SELE: variants seen among roughly 807,000 people sequenced by gnomAD.
The protein encoded by SELE is E-selectin.
SELE carries 52 observed loss-of-function variants against 75.8 expected under a neutral mutation model. The observed-to-expected ratio is 0.69, with a 90% CI of 0.55 to 0.86. The LOEUF (loss-of-function observed/expected upper bound fraction) is 0.86, where lower values mean the gene tolerates loss of function less well. SELE is among the 40% of genes least tolerant of loss of function. The pLI, the probability that SELE is intolerant of heterozygous loss-of-function variation, is 0.00. For missense variants in SELE, 754 were observed against 732.7 expected, an observed-to-expected ratio of 1.03 and a Z score of -0.34; for synonymous variants, 285 against 258.7, an observed-to-expected ratio of 1.10 and a Z score of -0.98.
At chr1:169,731,783 G>T (rs925203382) in intron 4 of SELE, 52 bp downstream of exon 4, 4 of 1,215,530 alleles carry the variant, frequency 3.3e-6, no homozygotes, top group Non-Finnish European at 4.9e-6. Context: ...CAGCTAGGAC[G>T]TGAGATGGTG....
At chr1:169,733,034 G>T (rs972090921) in intron 2 of SELE, 36 bp from the exon 3 acceptor site, 1 of 1,516,002 alleles carries the variant, frequency 6.6e-7, no homozygotes, top group Non-Finnish European at 8.8e-7. Context: ...GGTAGAGTTT[G>T]GTACTGTTGT....
intron 4 of SELE, 126 bp downstream of exon 4, chr1:169,731,709 C>T (rs1238722262): frequency 2.1e-5 from 13 of 620,158 alleles, no homozygotes; most frequent in Non-Finnish European, 3.5e-5. Context: ...AGTCTCAGCT[C>T]ACGATCACCA....
intron 7 of SELE, 147 bp downstream of exon 7, chr1:169,729,038 GT>G: frequency 4.3e-6 from 3 of 689,824 alleles, no homozygotes; most frequent in Non-Finnish European, 4.7e-6. Context: ...CCAAACATTA[GT>G]TCTTTTAAAT....
chr1:169,727,828 C>G lies in SELE; in HGVS notation c.1379G>C (p.Ser460Thr), dbSNP rs183505221. 114 of 1,614,154 alleles carry G rather than the reference C, an allele frequency of 7.1e-5. No individual in the cohort carries two copies. The East Asian group carries it at 1.1e-3, about 15-fold the overall frequency. The change falls in exon 9 of 14, where the codon AGC becomes ACC. Residue 460 changes from serine to threonine, a missense_variant. Coordinates refer to ENST00000333360, the MANE Select transcript of SELE (RefSeq NM_000450.2). The stretch of plus-strand genomic sequence containing the variant: ...ATGTAATTCAAATCCCTCCTCACAG[C>G]TGAAGGCACAAGAGGACTTGTAGGT... ...EFTYKSSCAF[S>T]CEEGFELHGS...
At position 169,723,679 on chromosome 1, in the gene SELE, A is replaced by T. The variant is rs1348767280; in HGVS notation, c.*846T>A. Reference sequence around the variant, plus strand: ...GGTTAACATCATGCCTTGCTAGGGGACAATAGTTTCCCTTTTTGAAATAAA... The same window carrying T: ...GGTTAACATCATGCCTTGCTAGGGGTCAATAGTTTCCCTTTTTGAAATAAA... On this transcript the variant is annotated 3_prime_UTR_variant, in exon 14 of 14. Transcript: ENST00000333360. 6.6e-6 allele frequency: 1 copy of T among 152,248 alleles called. No individual in the cohort carries two copies. The highest frequency in any genetic ancestry group is 1.5e-5 in the Non-Finnish European group (1 of 68,042). The allele number at this position is 152,248 out of a possible 1,614,324, so 9.4% of individuals were successfully genotyped here.
chr1:169,730,863 G>A (rs866565599), intron 4 of SELE, among the ~76,000 whole-genome samples: 12 of 152,042 alleles, frequency 7.9e-5, no homozygotes, highest in African/African-American at 2.7e-4. Context: ...AGTGATATGG[G>A]GAGAGTAGTG....
chr1:169,729,261 A>C lies in SELE; in HGVS notation c.1015T>G (p.Phe339Val). 1 of 1,614,140 alleles carries C rather than the reference A, an allele frequency of 6.2e-7. No individual in the cohort carries two copies. Among genetic ancestry groups the C allele is most frequent in the Non-Finnish European group, 8.5e-7 (1 of 1,180,000 alleles). ...ACCTGGGCTGGTCCCTGCAACATGA[A>C]GCCTTCCTCACAGGTGAAGTTGCAG... Reference protein sequence around the residue: ...SSCNFTCEEGFMLQGPAQVEC... With the variant: ...SSCNFTCEEGVMLQGPAQVEC... Residue 339 changes from phenylalanine (F) to valine (V), a missense_variant, in exon 7 of 14, where the codon TTC becomes GTC. By Grantham distance (50) the Phe-to-Val change is conservative. Transcript: ENST00000333360.
rs766916167 is a variant in SELE at position 169,727,558 on chromosome 1, G to A, written c.1469-33C>T. ...TGTTAGGTACACAGGCAGAGTTTCA[G>A]AAAAATCTACTGGAAAACTTCCAAA... is the stretch of plus-strand genomic sequence containing the variant. On this transcript the variant is annotated intron_variant, in intron 9 of 13. Coordinates refer to ENST00000333360, the MANE Select transcript of SELE (RefSeq NM_000450.2). The A allele has an allele frequency of 1.9e-6, 3 of 1,588,368 alleles. 1 individual carries two copies. In the South Asian group the frequency reaches 3.4e-5, roughly 18 times the overall value.
chr1:169,727,673 A>G (rs1648809201), intron 9 of SELE, 66 bp downstream of exon 9: 1 of 1,561,154 alleles, frequency 6.4e-7, no homozygotes, highest in African/African-American at 1.4e-5. Context: ...CTTTGGGGCA[A>G]TCTAGGTTCA....
rs1357578147 is a variant in SELE at position 169,724,126 on chromosome 1, A to G, written c.*399T>C. On this transcript the variant is annotated 3_prime_UTR_variant, in exon 14 of 14. Transcript: ENST00000333360. ...ACAGCAACTGTGTAATCAGCTGTCG[A>G]AACACTGTGAAGGGCAAAAGAAAGA... is the stretch of plus-strand genomic sequence containing the variant. 3.9e-5 allele frequency: 6 copies of G among 152,232 alleles called. No homozygotes were observed. The highest frequency in any genetic ancestry group is 8.8e-5 in the Non-Finnish European group (6 of 68,042). The allele number at this position is 152,232 out of a possible 1,614,324, so 9.4% of individuals were successfully genotyped here. A position where few individuals can be genotyped will look rare whatever the true frequency, so the allele number is the denominator to read the frequency against.
intron 2 of SELE, 75 bp downstream of exon 2, chr1:169,733,501 A>G (rs1370787030): frequency 7.6e-6 from 11 of 1,439,878 alleles, no homozygotes; most frequent in Non-Finnish European, 1.1e-5. Context: ...ACAGCCCCAG[A>G]CAAGCAAGGA....
rs1264674601 is a variant in SELE at position 169,724,444 on chromosome 1, C to G, written c.*81G>C. 1 of 152,180 alleles carries G rather than the reference C, an allele frequency of 6.6e-6. No homozygotes were observed. Among genetic ancestry groups the G allele is most frequent in the Non-Finnish European group, 1.5e-5 (1 of 68,034 alleles). 9.4% of individuals were successfully genotyped at this position (152,180 alleles called of 1,614,324 possible). On this transcript the variant is annotated 3_prime_UTR_variant, in exon 14 of 14. Transcript: ENST00000333360. ...ATAGTAGGCAAGAAGGGCCAGAGAC[C>G]CGAGGAGAGTTATCTGTCTCTGTTA...
In SELE at chr1:169,728,180, C is replaced by A; in HGVS notation, c.1157G>T (p.Gly386Val). The A allele has an allele frequency of 6.2e-7, 1 of 1,614,168 alleles. No individual in the cohort carries two copies. Among genetic ancestry groups the A allele is most frequent in the South Asian group, 1.1e-5 (1 of 91,080 alleles). ...ACAGCTGGACCCATAACGGAAACTG[C>A]CAGAAGCACTAGGAAGACAATTCAT... is the stretch of plus-strand genomic sequence containing the variant. ...GYMNCLPSAS[G>V]SFRYGSSCEF... The change falls in exon 8 of 14, where the codon GGC (glycine) becomes GTC (valine). Residue 386 changes from glycine to valine, a missense_variant. By Grantham distance (109) the Gly-to-Val change is moderately radical. Transcript: ENST00000333360.
chr1:169,732,324 T>C (rs1648930185), intron 3 of SELE, among the ~76,000 whole-genome samples: 1 of 150,566 alleles, frequency 6.6e-6, no homozygotes, highest in Admixed American at 6.7e-5. Flanking sequence ...TATATGTGTG[T>C]ATATGTGTGT....
Position 169,729,264 on chromosome 1 carries a change from C to T in SELE, c.1012G>A (p.Gly338Ser). 1 of 1,614,170 alleles carries T rather than the reference C, an allele frequency of 6.2e-7. No individual in the cohort carries two copies. The highest frequency in any genetic ancestry group is 1.1e-5 in the South Asian group (1 of 91,086). ...TGGGCTGGTCCCTGCAACATGAAGC[C>T]TTCCTCACAGGTGAAGTTGCAGGAT... is the stretch of plus-strand genomic sequence containing the variant. Reference protein sequence around the residue: ...KSSCNFTCEEGFMLQGPAQVE... With the variant: ...KSSCNFTCEESFMLQGPAQVE... Residue 338 changes from glycine to serine, a missense_variant, in exon 7 of 14, where the codon GGC becomes AGC. Transcript: ENST00000333360.
chr1:169,722,841 A>G lies in SELE; in HGVS notation c.*1684T>C, dbSNP rs1030183090. On this transcript the variant is annotated 3_prime_UTR_variant, in exon 14 of 14. Coordinates refer to ENST00000333360, the MANE Select transcript of SELE (RefSeq NM_000450.2). ...GTTTACATAAATATTTACAACACTTAAACAATTTCAAAGAAAATAACACTG... is the reference window on the plus strand; with the variant it reads ...GTTTACATAAATATTTACAACACTTGAACAATTTCAAAGAAAATAACACTG... The G allele has an allele frequency of 4.6e-5, 7 of 152,228 alleles. No individual in the cohort carries two copies. Among genetic ancestry groups the G allele is most frequent in the African/African-American group, 1.7e-4 (7 of 41,460 alleles). The allele number at this position is 152,228 out of a possible 1,614,324, so 9.4% of individuals were successfully genotyped here. A position where few individuals can be genotyped will look rare whatever the true frequency, so the allele number is the denominator to read the frequency against.
At chr1:169,733,104 GC>G in intron 2 of SELE, 106 bp from the exon 3 acceptor site, 1 of 1,143,400 alleles carries the variant, frequency 8.7e-7, no homozygotes, top group South Asian at 1.7e-5. Flanking sequence ...TTGTGACATG[GC>G]CCAGACTTTT....
In SELE at chr1:169,729,172, G is replaced by C. The variant is rs1648846271; in HGVS notation, c.1090+14C>G. On this transcript the variant is annotated intron_variant, in intron 7 of 13. Coordinates refer to ENST00000333360, the MANE Select transcript of SELE (RefSeq NM_000450.2). The stretch of plus-strand genomic sequence containing the variant: ...TTCTTTAAGAAAGTATAAATCGAAG[G>C]ATCTCAAGCTTACCTTCACAAACTG... 6.3e-7 allele frequency: 1 copy of C among 1,583,140 alleles called. No individual in the cohort carries two copies. The highest frequency in any genetic ancestry group is 1.2e-5 in the South Asian group (1 of 86,508).
In SELE at chr1:169,732,703, G is replaced by A. The variant is rs375315900; in HGVS notation, c.333C>T (p.Cys111=). The change falls in exon 3 of 14, where the codon TGC becomes TGT. Residue 111 remains cysteine (C), a synonymous_variant. Transcript: ENST00000333360. ...EPNNRQKDED[C]VEIYIKREKD... is the part of the protein sequence containing the mutation. ...TTTCTCTCTTGATGTAGATCTCCACGCAGTCCTCATCTTTTTGCCTATTGT... is the reference window on the plus strand; with the variant it reads ...TTTCTCTCTTGATGTAGATCTCCACACAGTCCTCATCTTTTTGCCTATTGT... 3.1e-5 allele frequency: 50 copies of A among 1,613,656 alleles called. No homozygotes were observed. The African/African-American group carries it at 4.7e-4, about 15-fold the overall frequency.
Sources: gnomAD v4.1 joint callset for allele counts (sites outside exome capture counted in the v4.1 genomes callset) on GRCh38, gnomAD v4.1.1 for gene constraint, MANE v1.5 for transcripts, NCBI Gene and HGNC (gene_info 2026-07-23, HGNC 2026-07-21) for gene names.